Variants in HERC2 observed in about 807,000 individuals in gnomAD.
HERC2 encodes E3 ubiquitin-protein ligase HERC2.
In HERC2, 102 loss-of-function variants were observed where a neutral mutation model predicts 537.7. That is an observed-to-expected ratio of 0.19 (90% CI 0.16 to 0.22). The LOEUF is 0.22. Among genes scored for constraint, HERC2 ranks in the 10% least tolerant of loss-of-function variants. The probability of loss-of-function intolerance (pLI) is 1.00; values close to 1 mark genes in which losing one functional copy is unlikely to be tolerated. For missense variants in HERC2, 4,236 were observed against 6,198.2 expected (o/e 0.68, Z 10.63); for synonymous variants, 2,224 against 2,466.2 (o/e 0.90, Z 2.91).
chr15:28,260,311 C>T (rs1286523207), intron 16 of HERC2, among the ~76,000 whole-genome samples: 1 of 152,210 alleles, frequency 6.6e-6, no homozygotes, highest in East Asian at 1.9e-4. Flanking sequence ...CAAATTTTAA[C>T]ATCCAGTCAG....
chr15:28,268,421 CAT>C lies in HERC2; in HGVS notation c.1598+42_1598+43del, dbSNP rs1268800418. 1.3e-6 allele frequency: 2 copies of C among 1,579,032 alleles called. No homozygotes were observed. Among genetic ancestry groups the C allele is most frequent in the Non-Finnish European group, 1.7e-6 (2 of 1,155,326 alleles). On this transcript the variant is annotated intron_variant, in intron 12 of 92. Coordinates refer to ENST00000261609, the MANE Select transcript of HERC2 (RefSeq NM_004667.6). This position sits in a 1 kb window ranked among gnomAD's most constrained non-coding sequence, Gnocchi z 4.7. ...CTCCATCCTGTTTAGGATATGGCAACATAAAAGGAGAGTGTGTCCCCTACAGG... is the reference window on the plus strand; with the variant it reads ...CTCCATCCTGTTTAGGATATGGCAACAAAAGGAGAGTGTGTCCCCTACAGG...
chr15:28,119,120 G>A (rs1888596868), intron 86 of HERC2, among the ~76,000 whole-genome samples: 1 of 151,944 alleles, frequency 6.6e-6, no homozygotes, highest in African/African-American at 2.4e-5. Context: ...ATACAAAAAA[G>A]GCTGGGTGCG....
intron 65 of HERC2, among the ~76,000 whole-genome samples, chr15:28,172,603 C>T (rs866625017): frequency 8.5e-5 from 13 of 152,174 alleles, no homozygotes; most frequent in Middle Eastern, 3.2e-3. Context: ...AACCTCCCAC[C>T]ATATATAAAA....
Position 28,215,732 on chromosome 15 carries a change from G to C in HERC2, c.6099C>G (p.Ile2033Met). Reference sequence around the variant, plus strand: ...CGCCGCATACCTGCGGCGTGAGAGCGATGCTCCGCACAAACCCCAGCGTGC... The same window carrying C: ...CGCCGCATACCTGCGGCGTGAGAGCCATGCTCCGCACAAACCCCAGCGTGC... ...SWCTLGFVRS[I>M]ALTPQVCGAL... is the part of the protein sequence containing the mutation. Residue 2033 changes from isoleucine to methionine, a missense_variant, in exon 39 of 93, where the codon ATC (isoleucine) becomes ATG (methionine). Ile to Met is a conservative substitution (Grantham distance 10). Around this residue, in one of 27 missense-constraint regions of HERC2, gnomAD observed 365 missense variants for 468.8 expected, o/e 0.78. Coordinates refer to ENST00000261609, the MANE Select transcript of HERC2 (RefSeq NM_004667.6). 6.2e-7 allele frequency: 1 copy of C among 1,611,966 alleles called. No homozygotes were observed. Among genetic ancestry groups the C allele is most frequent in the Non-Finnish European group, 8.5e-7 (1 of 1,179,778 alleles).
intron 56 of HERC2, among the ~76,000 whole-genome samples, chr15:28,185,126 C>G (rs1316526771): frequency 3.3e-5 from 5 of 151,384 alleles, no homozygotes; most frequent in African/African-American, 4.9e-5. Flanking sequence ...TTTTCAACTT[C>G]TACACAAAGT....
At chr15:28,235,455 C>A (rs992848362) in intron 26 of HERC2, among the ~76,000 whole-genome samples, 4 of 152,134 alleles carry the variant, frequency 2.6e-5, no homozygotes, top group African/African-American at 9.7e-5. Context: ...TCAGAGGGCA[C>A]CACAGGCAGC....
chr15:28,295,306 TGTGGGGGGGGGGGA>T (rs1567131766), intron 3 of HERC2, among the ~76,000 whole-genome samples: 3 of 862 alleles, frequency 3.5e-3, no homozygotes, highest in African/African-American at 5.6e-3. Flanking sequence ...CCTACATGTG[TGTGGGGGGGGGGGA>T]GTGGGGGGGA....
chr15:28,321,918 T>C (rs1366274437), intron 1 of HERC2, among the ~76,000 whole-genome samples, 157 bp downstream of exon 1: 2 of 140,736 alleles, frequency 1.4e-5, no homozygotes, highest in Non-Finnish European at 3.0e-5. Context: ...CACCACCACT[T>C]AAGAGATGGA....
chr15:28,148,877 A>T (rs1378855566), intron 70 of HERC2, among the ~76,000 whole-genome samples: 1 of 151,982 alleles, frequency 6.6e-6, no homozygotes, highest in Non-Finnish European at 1.5e-5. Flanking sequence ...GAGAACGGCC[A>T]CACAAACGTA....
intron 83 of HERC2, among the ~76,000 whole-genome samples, chr15:28,129,937 A>C (rs1889931747): frequency 6.6e-6 from 1 of 152,002 alleles, no homozygotes. Flanking sequence ...CACCATGCCC[A>C]GCTAATTTTT....
chr15:28,194,368 A>T (rs1434223268), intron 52 of HERC2, among the ~76,000 whole-genome samples: 1 of 145,994 alleles, frequency 6.8e-6, no homozygotes, highest in African/African-American at 2.5e-5. Context: ...CAGGAGATCG[A>T]GACCATCCTG....
intron 68 of HERC2, among the ~76,000 whole-genome samples, chr15:28,166,910 C>T (rs574247848): frequency 6.6e-6 from 1 of 152,284 alleles, no homozygotes; most frequent in South Asian, 2.1e-4. Context: ...ACAGGAACTC[C>T]TGATTCTATA....
rs566070338 is a variant in HERC2, at chr15:28,144,820, G to A, written c.11009-16C>T. On this transcript the variant is annotated splice_polypyrimidine_tract_variant and intron_variant, in intron 71 of 92. Transcript: ENST00000261609. Reference sequence around the variant, plus strand: ...CACTCTCGGCCTGCGGGAGGAAAGCGCACCCCGGGGTTAGCTTCACTCCAT... The same window carrying A: ...CACTCTCGGCCTGCGGGAGGAAAGCACACCCCGGGGTTAGCTTCACTCCAT... 42 of 1,613,910 alleles carry A rather than the reference G, an allele frequency of 2.6e-5. 1 individual carries two copies. In the South Asian group the frequency reaches 3.4e-4, roughly 13 times the overall value.
Position 28,159,681 on chromosome 15 carries a change from C to G in HERC2, c.10746+3413G>C, listed in dbSNP as rs540479076. 3.9e-5 allele frequency among the ~76,000 whole-genome samples: 6 copies of G among 151,990 alleles called. No individual in the cohort carries two copies. In the South Asian group the frequency reaches 1.2e-3, roughly 32 times the overall value. The stretch of plus-strand genomic sequence containing the variant: ...ACTTCTTTGCAATGGGTTCGAACTT[C>G]CTCCTTTAGCTCGGAGAAGTTTGAT... On this transcript the variant is annotated intron_variant, in intron 69 of 92. Transcript: ENST00000261609.
rs1891216712 is a variant in HERC2 at position 28,141,473 on chromosome 15, C to T, written c.11974G>A (p.Gly3992Arg). 3 of 1,614,090 alleles carry T rather than the reference C, an allele frequency of 1.9e-6. No individual in the cohort carries two copies. Among genetic ancestry groups the T allele is most frequent in the Non-Finnish European group, 2.5e-6 (3 of 1,180,022 alleles). Residue 3992 changes from glycine (G) to arginine (R), a missense_variant, in exon 78 of 93, where the codon GGA becomes AGA. Physicochemically the swap from Gly to Arg is moderately radical, Grantham distance 125. Around this residue, in one of 27 missense-constraint regions of HERC2, gnomAD observed 43 missense variants for 82.6 expected, o/e 0.52. Coordinates refer to ENST00000261609, the MANE Select transcript of HERC2 (RefSeq NM_004667.6). ...LATLRPVQLI[G>R]GEQTLFAVTA... ...ACAGCAAAGAGGGTCTGTTCCCCTCCGATTAACTGCACGGGTCTGAGAGTT... is the reference window on the plus strand; with the variant it reads ...ACAGCAAAGAGGGTCTGTTCCCCTCTGATTAACTGCACGGGTCTGAGAGTT...
chr15:28,272,441 C>T (rs150960375), intron 8 of HERC2, 55 bp from the exon 9 acceptor site: 5 of 1,489,606 alleles, frequency 3.4e-6, no homozygotes, highest in African/African-American at 2.8e-5. Flanking sequence ...CTTTTCTTCA[C>T]AGTTGATCAA....
intron 48 of HERC2, among the ~76,000 whole-genome samples, chr15:28,199,356 C>T (rs2158401): frequency 2.6e-5 from 4 of 152,136 alleles, no homozygotes; most frequent in African/African-American, 9.7e-5. Context: ...TCATCAAAAA[C>T]ATAACAGTGG....
intron 23 of HERC2, among the ~76,000 whole-genome samples, chr15:28,244,733 A>G (rs1012400548): frequency 1.3e-5 from 2 of 152,164 alleles, no homozygotes; most frequent in Middle Eastern, 6.3e-3. Flanking sequence ...ATGGTGCTCA[A>G]AGTATTGACT....
chr15:28,307,140 A>C (rs1202787100), intron 2 of HERC2, among the ~76,000 whole-genome samples: 2 of 152,128 alleles, frequency 1.3e-5, no homozygotes, highest in African/African-American at 4.8e-5. Flanking sequence ...CGGCCTGCAA[A>C]CTTATCTATT....
Sources: gnomAD v4.1 joint callset for allele counts (sites outside exome capture counted in the v4.1 genomes callset) on GRCh38, gnomAD v4.1.1 for gene constraint, gnomAD v4.1.1 regional missense constraint, Gnocchi (gnomAD v3.1) non-coding constraint, MANE v1.5 for transcripts, NCBI Gene and HGNC (gene_info 2026-07-23, HGNC 2026-07-21) for gene names.